ZNF536: variants seen among roughly 807,000 people sequenced by gnomAD.
ZNF536 encodes the protein zinc finger protein 536.
In ZNF536, 13 loss-of-function variants were observed where a neutral mutation model predicts 84.5. That is an observed-to-expected ratio of 0.15 (90% CI 0.10 to 0.24). The LOEUF is 0.24. Among genes scored for constraint, ZNF536 ranks in the 10% least tolerant of loss-of-function variants. ZNF536 has a pLI of 1.00. For synonymous variants in ZNF536, 811 were observed against 742.5 expected (o/e 1.09, Z -1.50); for missense variants, 1,536 against 1,747.5 (o/e 0.88, Z 2.16).
intron 2 of ZNF536, among the ~76,000 whole-genome samples, chr19:30,340,099 T>G (rs2047517976): frequency 6.6e-6 from 1 of 152,070 alleles, no homozygotes; most frequent in Non-Finnish European, 1.5e-5. Context: ...GTGTCTGCTG[T>G]CTAAGGGACA....
intron 1 of ZNF536, among the ~76,000 whole-genome samples, chr19:30,236,234 C>T (rs1047324617): frequency 2.6e-5 from 4 of 152,226 alleles, no homozygotes; most frequent in Non-Finnish European, 4.4e-5. Context: ...TGAGTCCTGC[C>T]GCCGCCGGGT....
At chr19:30,648,266 G>A (rs568799489) in intron 1 of ZNF536, among the ~76,000 whole-genome samples, 30 of 152,284 alleles carry the variant, frequency 2.0e-4, no homozygotes, top group Admixed American at 9.2e-4. Flanking sequence ...CTGCGGCCGC[G>A]TGGAAGCCTC....
chr19:30,515,842 A>G (rs770112810), intron 2 of ZNF536, among the ~76,000 whole-genome samples: 1 of 152,002 alleles, frequency 6.6e-6, no homozygotes, highest in Non-Finnish European at 1.5e-5. Flanking sequence ...CCTGGCCAAC[A>G]TGGTGAAACC....
rs554693901 is a variant in ZNF536 at position 30,459,381 on chromosome 19, C to T, written c.2170+13649C>T. Among the ~76,000 whole-genome samples, 338 of 130,912 alleles carry T rather than the reference C, an allele frequency of 2.6e-3. 2 individuals are homozygous for T. The highest frequency in any genetic ancestry group is 9.5e-3 in the African/African-American group (327 of 34,378). 85.9% of individuals were successfully genotyped at this position (130,912 alleles called of 152,430 possible). A position where few individuals can be genotyped will look rare whatever the true frequency, so the allele number is the denominator to read the frequency against. ...TTTTTTTTTTTTTTTGATGGAGTCT[C>T]TCCCTGTCACCCAGGCTGGAATGCC... is the stretch of plus-strand genomic sequence containing the variant. On this transcript the variant is annotated intron_variant, in intron 2 of 4. Coordinates refer to ENST00000355537, the MANE Select transcript of ZNF536 (RefSeq NM_014717.3).
At chr19:30,365,513 C>G (rs1300400488) in intron 3 of ZNF536, among the ~76,000 whole-genome samples, 1 of 152,176 alleles carries the variant, frequency 6.6e-6, no homozygotes, top group Non-Finnish European at 1.5e-5. Context: ...CCCAGGGAAT[C>G]CCTGGTGTGC....
intron 1 of ZNF536, among the ~76,000 whole-genome samples, chr19:30,383,079 C>T (rs944283950): frequency 3.9e-5 from 6 of 152,118 alleles, no homozygotes; most frequent in Admixed American, 2.0e-4. Flanking sequence ...CACCTGAGGT[C>T]GGGAGTTCGA....
At chr19:30,497,870 C>T (rs956599482) in intron 2 of ZNF536, among the ~76,000 whole-genome samples, 6 of 152,114 alleles carry the variant, frequency 3.9e-5, no homozygotes, top group African/African-American at 1.4e-4. Context: ...TCCAGAGACA[C>T]CCTCAGAAGC....
At chr19:30,631,392 GCTGGC>G (rs2147242015) in intron 1 of ZNF536, among the ~76,000 whole-genome samples, 1 of 152,304 alleles carries the variant, frequency 6.6e-6, no homozygotes, top group East Asian at 1.9e-4. Flanking sequence ...AGGCCGAGAG[GCTGGC>G]CCAGTCTCCA....
At chr19:30,428,135 G>T (rs944213874) in intron 1 of ZNF536, among the ~76,000 whole-genome samples, 2 of 152,198 alleles carry the variant, frequency 1.3e-5, no homozygotes, top group Non-Finnish European at 2.9e-5. Flanking sequence ...TGCCTACCAC[G>T]TATGCCTCTG....
At chr19:30,593,379 T>C (rs1028139973) in intron 1 of ZNF536, among the ~76,000 whole-genome samples, 4 of 152,142 alleles carry the variant, frequency 2.6e-5, no homozygotes, top group Non-Finnish European at 5.9e-5. Context: ...AATTGCCCGA[T>C]TTTTCAGAGA....
intron 1 of ZNF536, among the ~76,000 whole-genome samples, chr19:30,632,215 T>C (rs933827503): frequency 2.0e-5 from 3 of 152,216 alleles, no homozygotes; most frequent in South Asian, 2.1e-4. Flanking sequence ...TGTCCTACTA[T>C]GTGCTGGGGA....
chr19:30,231,138 T>C (rs1015836851), intron 1 of ZNF536, among the ~76,000 whole-genome samples: 2 of 152,250 alleles, frequency 1.3e-5, no homozygotes, highest in African/African-American at 2.4e-5. Flanking sequence ...GTTCTCAACA[T>C]TATTTAAAGT....
intron 1 of ZNF536, among the ~76,000 whole-genome samples, chr19:30,392,490 C>G (rs1183578288): frequency 1.3e-5 from 2 of 152,180 alleles, no homozygotes; most frequent in African/African-American, 4.8e-5. Flanking sequence ...CAGCAATTAT[C>G]TGCGGTTAGC....
At chr19:30,236,771 C>A (rs1021021765) in intron 1 of ZNF536, among the ~76,000 whole-genome samples, 1 of 152,178 alleles carries the variant, frequency 6.6e-6, no homozygotes, top group Non-Finnish European at 1.5e-5. Flanking sequence ...TTCCCCATGA[C>A]AGTGCCCTGG....
chr19:30,260,308 G>C (rs2025141199), intron 1 of ZNF536, among the ~76,000 whole-genome samples: 1 of 152,240 alleles, frequency 6.6e-6, no homozygotes, highest in Non-Finnish European at 1.5e-5. Context: ...CCATGTTCAG[G>C]TTGGGGAACA....
chr19:30,684,289 A>G (rs2051088264), intron 1 of ZNF536, among the ~76,000 whole-genome samples: 1 of 152,080 alleles, frequency 6.6e-6, no homozygotes, highest in African/African-American at 2.4e-5. Flanking sequence ...TGCATGCCAC[A>G]ATGCCTGGCT....
chr19:30,307,539 C>T (rs1009529873), intron 2 of ZNF536, among the ~76,000 whole-genome samples: 1 of 151,664 alleles, frequency 6.6e-6, no homozygotes, highest in Non-Finnish European at 1.5e-5. Flanking sequence ...CCTTTTTTTT[C>T]CTCTGTTCCT....
chr19:30,267,363 A>T (rs1258542592), intron 1 of ZNF536, among the ~76,000 whole-genome samples: 1 of 152,182 alleles, frequency 6.6e-6, no homozygotes, highest in African/African-American at 2.4e-5. Flanking sequence ...TAGCCATAAA[A>T]GTCCTGTTTT....
At chr19:30,425,068 C>T (rs185395160) in intron 1 of ZNF536, among the ~76,000 whole-genome samples, 3 of 152,126 alleles carry the variant, frequency 2.0e-5, no homozygotes, top group East Asian at 1.9e-4. Flanking sequence ...AAGAATGACA[C>T]AATGGACTTT....
Sources: allele counts gnomAD v4.1 joint callset (sites outside exome capture counted in the v4.1 genomes callset), GRCh38; gene constraint gnomAD v4.1.1; transcripts MANE v1.5; gene names NCBI Gene and HGNC (gene_info 2026-07-23, HGNC 2026-07-21).